NKD1: variants seen among roughly 807,000 people sequenced by gnomAD.
NKD1 encodes the protein protein naked cuticle homolog 1.
NKD1 carries 21 observed loss-of-function variants against 56.0 expected under a neutral mutation model. That is an observed-to-expected ratio of 0.38 (90% CI 0.27 to 0.54). NKD1 has a LOEUF of 0.54. NKD1 is among the 20% of genes least tolerant of loss of function. The probability of loss-of-function intolerance (pLI) is 0.82; values close to 1 mark genes in which losing one functional copy is unlikely to be tolerated. For missense variants in NKD1, 578 were observed against 642.7 expected, an observed-to-expected ratio of 0.90 and a Z score of 1.09; for synonymous variants, 263 against 265.7, an observed-to-expected ratio of 0.99 and a Z score of 0.10.
At chr16:50,624,718 C>T (rs921535586) in intron 5 of NKD1, among the ~76,000 whole-genome samples, 1 of 152,196 alleles carries the variant, frequency 6.6e-6, no homozygotes, top group Non-Finnish European at 1.5e-5. Context: ...ATGTAGCATG[C>T]GCTCAGATTT....
At chr16:50,621,797 C>A in intron 5 of NKD1, 89 bp downstream of exon 5, 1 of 970,198 alleles carries the variant, frequency 1.0e-6, no homozygotes, top group Non-Finnish European at 1.6e-6. Flanking sequence ...GAGGCTCTTC[C>A]AGACAGGAAG....
At position 50,625,468 on chromosome 16, in the gene NKD1, C is replaced by T. The variant is rs1962188366; in HGVS notation, c.367-17C>T. 1.9e-6 allele frequency: 3 copies of T among 1,576,472 alleles called. No homozygotes were observed. The highest frequency in any genetic ancestry group is 2.7e-5 in the African/African-American group (2 of 74,352). Reference sequence around the variant, plus strand: ...CCACAGATAGGGGACCAGCCCCGCCCATCTCTCTGCATCCAGGAGCTCCAG... The same window carrying T: ...CCACAGATAGGGGACCAGCCCCGCCTATCTCTCTGCATCCAGGAGCTCCAG... On this transcript the variant is annotated splice_polypyrimidine_tract_variant and intron_variant, in intron 5 of 9. Transcript: ENST00000268459.
rs1379485329 is a variant in NKD1 at position 50,637,572 on chromosome 16, A to C, written c.*3791A>C. On this transcript the variant is annotated 3_prime_UTR_variant, in exon 10 of 10. Transcript: ENST00000268459. ...GACAGAGTGAGACTCCATCTCAAAT[A>C]AATAAAGAGGTTATACTGAATAATG... 6.6e-6 allele frequency: 1 copy of C among 152,218 alleles called. No homozygotes were observed. The highest frequency in any genetic ancestry group is 2.4e-5 in the African/African-American group (1 of 41,444). The allele number at this position is 152,218 out of a possible 1,614,324, so 9.4% of individuals were successfully genotyped here.
In NKD1 at chr16:50,576,777, A is replaced by C. The variant is rs114967664; in HGVS notation, c.192+27222A>C. ...TTTTTTTTTTAAAGAATGACTTATA[A>C]AAACTCATTTTGGGAAAAGAAGAAA... On this transcript the variant is annotated intron_variant, in intron 3 of 9. Transcript: ENST00000268459. Among the ~76,000 whole-genome samples the C allele has an allele frequency of 4.8e-3, 726 of 151,278 alleles. 6 individuals carry two copies. The highest frequency in any genetic ancestry group is 0.017 in the African/African-American group (698 of 40,976).
rs182585880 is a variant in NKD1 at position 50,575,420 on chromosome 16, G to T, written c.192+25865G>T. On this transcript the variant is annotated intron_variant, in intron 3 of 9. Transcript: ENST00000268459. ...ATTTTCGGGGAGAAAGAACAAATGG[G>T]GTTGTCTGTGTTCCTGGGAGAAGGG... The T allele has an allele frequency of 8.5e-4, 729 of 861,670 alleles. 3 individuals carry two copies. The African/African-American group carries it at 0.013, about 15-fold the overall frequency. 53.4% of individuals were successfully genotyped at this position (861,670 alleles called of 1,614,324 possible). A position where few individuals can be genotyped will look rare whatever the true frequency, so the allele number is the denominator to read the frequency against.
At chr16:50,562,085 T>G (rs1376368187) in intron 3 of NKD1, among the ~76,000 whole-genome samples, 1 of 152,158 alleles carries the variant, frequency 6.6e-6, no homozygotes, top group Non-Finnish European at 1.5e-5. Context: ...AATGAAAAGT[T>G]TTTGACAACT....
At position 50,548,409 on chromosome 16, in the gene NKD1, C is replaced by T; in HGVS notation, c.-145C>T. ...CTCCCGGGCGTCAGTCGGGCCGCGGCGACGGCGGCAGGAGCGCGTCCCGGC... is the reference window on the plus strand; with the variant it reads ...CTCCCGGGCGTCAGTCGGGCCGCGGTGACGGCGGCAGGAGCGCGTCCCGGC... On this transcript the variant is annotated 5_prime_UTR_variant, in exon 1 of 10. Coordinates refer to ENST00000268459, the MANE Select transcript of NKD1 (RefSeq NM_033119.5). 4.8e-6 allele frequency: 1 copy of T among 210,312 alleles called. No homozygotes were observed. Among genetic ancestry groups the T allele is most frequent in the Non-Finnish European group, 8.1e-6 (1 of 122,868 alleles). The allele number at this position is 210,312 out of a possible 1,614,324, so 13.0% of individuals were successfully genotyped here.
intron 3 of NKD1, chr16:50,607,069 A>C (rs1961728518): frequency 2.2e-6 from 1 of 456,596 alleles, no homozygotes; most frequent in East Asian, 7.0e-5. Context: ...CGAGGAATAA[A>C]GTAGCCTGGT....
rs1486852204 is a variant in NKD1 at position 50,646,935 on chromosome 16, C to T, written c.*13154C>T. The T allele has an allele frequency of 6.6e-6, 1 of 152,252 alleles. No individual in the cohort carries two copies. The highest frequency in any genetic ancestry group is 1.5e-5 in the Non-Finnish European group (1 of 68,042). The allele number at this position is 152,252 out of a possible 1,614,324, so 9.4% of individuals were successfully genotyped here. On this transcript the variant is annotated 3_prime_UTR_variant, in exon 10 of 10. Transcript: ENST00000268459. ...ACCCCACCACATTCAGCCCTCTGTG[C>T]TTTTCTTGTCTCCCACATCCCCAGC...
intron 3 of NKD1, among the ~76,000 whole-genome samples, chr16:50,576,963 G>C (rs1228895899): frequency 6.6e-6 from 1 of 152,216 alleles, no homozygotes; most frequent in Non-Finnish European, 1.5e-5. Flanking sequence ...TGCACTGATG[G>C]ATGGCCTGAG....
At chr16:50,551,310 C>T (rs1047534664) in intron 3 of NKD1, among the ~76,000 whole-genome samples, 2 of 152,190 alleles carry the variant, frequency 1.3e-5, no homozygotes, top group Admixed American at 1.3e-4. Context: ...CTAGTTTCTT[C>T]CCCCAGCTGA....
chr16:50,604,125 G>A (rs1961654866), intron 3 of NKD1, among the ~76,000 whole-genome samples: 1 of 152,244 alleles, frequency 6.6e-6, no homozygotes, highest in African/African-American at 2.4e-5. Context: ...ATAAGTGGAG[G>A]AGGGTCACCA....
intron 4 of NKD1, among the ~76,000 whole-genome samples, chr16:50,610,461 C>T (rs1019525645): frequency 6.6e-6 from 1 of 152,130 alleles, no homozygotes; most frequent in African/African-American, 2.4e-5. Context: ...GGTAGGCCAC[C>T]GCGTGGCCAG....
In NKD1 at chr16:50,643,595, C is replaced by T. The variant is rs151314578; in HGVS notation, c.*9814C>T. On this transcript the variant is annotated 3_prime_UTR_variant, in exon 10 of 10. Coordinates refer to ENST00000268459, the MANE Select transcript of NKD1 (RefSeq NM_033119.5). Reference sequence around the variant, plus strand: ...CATGTTTGTAACTGTAGTTGATTCTCACTCATCGCAGTAGTTACATCTTAT... The same window carrying T: ...CATGTTTGTAACTGTAGTTGATTCTTACTCATCGCAGTAGTTACATCTTAT... The T allele has an allele frequency of 1.0e-3, 158 of 152,348 alleles. 1 individual carries two copies. Among genetic ancestry groups the T allele is most frequent in the African/African-American group, 3.6e-3 (149 of 41,584 alleles). The allele number at this position is 152,348 out of a possible 1,614,324, so 9.4% of individuals were successfully genotyped here. A position where few individuals can be genotyped will look rare whatever the true frequency, so the allele number is the denominator to read the frequency against.
intron 3 of NKD1, among the ~76,000 whole-genome samples, chr16:50,600,445 A>G (rs780626979): frequency 1.4e-4 from 21 of 152,088 alleles, no homozygotes; most frequent in Non-Finnish European, 2.2e-4. Flanking sequence ...CCTGGGGGAC[A>G]GAGTGAGACC....
At chr16:50,608,246 T>G in intron 3 of NKD1, 48 bp from the exon 4 acceptor site, 1 of 1,347,954 alleles carries the variant, frequency 7.4e-7, no homozygotes. Flanking sequence ...GTCCCAGCAC[T>G]GGGCTCCCCC....
At chr16:50,567,780 G>T (rs943220557) in intron 3 of NKD1, among the ~76,000 whole-genome samples, 10 of 152,178 alleles carry the variant, frequency 6.6e-5, no homozygotes, top group African/African-American at 2.4e-4. Flanking sequence ...GTGAACTGGT[G>T]CTTTGCTTTG....
At chr16:50,590,496 TTTTA>T (rs964145429) in intron 3 of NKD1, among the ~76,000 whole-genome samples, 3 of 152,242 alleles carry the variant, frequency 2.0e-5, no homozygotes, top group Non-Finnish European at 4.4e-5. Context: ...TCACCTTCAT[TTTTA>T]TTTATTTAAC....
At chr16:50,565,096 C>T (rs1960728183) in intron 3 of NKD1, among the ~76,000 whole-genome samples, 1 of 152,192 alleles carries the variant, frequency 6.6e-6, no homozygotes, top group Non-Finnish European at 1.5e-5. Flanking sequence ...GATATAGAGG[C>T]TGGGTGTGGT....
Sources: allele counts gnomAD v4.1 joint callset (sites outside exome capture counted in the v4.1 genomes callset), GRCh38; gene constraint gnomAD v4.1.1; transcripts MANE v1.5; gene names NCBI Gene and HGNC (gene_info 2026-07-23, HGNC 2026-07-21).